The following IGFN1 variants were observed in gnomAD, a reference collection of about 807,000 sequenced individuals.
IGFN1 encodes immunoglobulin like and fibronectin type III domain containing 1.
IGFN1 carries 253 observed loss-of-function variants against 289.5 expected under a neutral mutation model. That is an observed-to-expected ratio of 0.87 (90% CI 0.79 to 0.97). IGFN1 has a LOEUF of 0.97. IGFN1 is among the 50% of genes least tolerant of loss of function. The pLI, the probability that IGFN1 is intolerant of heterozygous loss-of-function variation, is 0.00. For synonymous variants in IGFN1, 1,706 were observed against 1,788.5 expected, an observed-to-expected ratio of 0.95 and a Z score of 1.16; for missense variants, 4,470 against 4,686.1, an observed-to-expected ratio of 0.95 and a Z score of 1.35.
At chr1:201,224,388 A>T (rs1248377002) in intron 20 of IGFN1, among the ~76,000 whole-genome samples, 1 of 152,104 alleles carries the variant, frequency 6.6e-6, no homozygotes, top group Non-Finnish European at 1.5e-5. Flanking sequence ...TAATGTCCAG[A>T]TGTCTGTAGA....
rs1232641218 is a variant in IGFN1, at chr1:201,206,180, G to A, written c.1287G>A (p.Glu429=). The change falls in exon 12 of 24, where the codon GAG becomes GAA. Residue 429 remains glutamate (E), a synonymous_variant. Transcript: ENST00000335211. The part of the protein sequence containing the change: ...ASGAEESGSI[E]SQGEKSREQG... The stretch of plus-strand genomic sequence containing the variant: ...GAGCAGAAGAGTCTGGGAGCATCGA[G>A]AGCCAGGGAGAGAAATCCAGAGAGC... The A allele has an allele frequency of 1.3e-6, 2 of 1,550,334 alleles. No homozygotes were observed. Among genetic ancestry groups the A allele is most frequent in the East Asian group, 4.9e-5 (2 of 40,924 alleles).
chr1:201,199,439 G>C, intron 6 of IGFN1, 61 bp downstream of exon 6: 1 of 1,501,018 alleles, frequency 6.7e-7, no homozygotes, highest in Non-Finnish European at 9.1e-7. Flanking sequence ...CTCCTTTCCT[G>C]GTGTTCCCTG....
chr1:201,200,933 G>A (rs12046251), intron 8 of IGFN1, among the ~76,000 whole-genome samples: 40,919 of 150,540 alleles, frequency 0.27, 6,007 homozygotes, highest in East Asian at 0.41. Context: ...CCAGGTTCAC[G>A]CCATTCTCCT....
At chr1:201,199,210 A>G (rs1667044880) in intron 5 of IGFN1, 124 bp from the exon 6 acceptor site, 1 of 820,694 alleles carries the variant, frequency 1.2e-6, no homozygotes, top group Non-Finnish European at 2.1e-6. Flanking sequence ...TCCACGCCTT[A>G]GAGGACAGTG....
intron 19 of IGFN1, 28 bp downstream of exon 19, chr1:201,221,774 T>G (rs776874715): frequency 5.2e-6 from 8 of 1,548,132 alleles, no homozygotes; most frequent in Non-Finnish European, 7.0e-6. Context: ...CCCCGACCCC[T>G]GAGCCCTGCA....
rs1316951305 is a variant in IGFN1 at position 201,216,733 on chromosome 1, A to C, written c.9575A>C (p.Glu3192Ala). Residue 3192 changes from glutamate to alanine, a missense_variant, in exon 16 of 24, where the codon GAG (glutamate) becomes GCG (alanine). By Grantham distance (107) the Glu-to-Ala change is moderately radical (BLOSUM62 -1). Coordinates refer to ENST00000335211, the MANE Select transcript of IGFN1 (RefSeq NM_001164586.2). ...EGAGEALESE[E>A]ILVAPEALPK... The stretch of plus-strand genomic sequence containing the variant: ...GCTGGCGAGGCCCTGGAGTCTGAGG[A>C]GATATTGGTGGCTCCTGAGGGTGAG... The C allele has an allele frequency of 4.4e-6, 7 of 1,606,272 alleles. No individual in the cohort carries two copies. Among genetic ancestry groups the C allele is most frequent in the Admixed American group, 1.7e-5 (1 of 59,630 alleles).
rs1220629715 is a variant in IGFN1, at chr1:201,206,318, C to A, written c.1425C>A (p.Asp475Glu). 5 of 1,550,286 alleles carry A rather than the reference C, an allele frequency of 3.2e-6. No individual in the cohort carries two copies. The highest frequency in any genetic ancestry group is 2.4e-5 in the East Asian group (1 of 40,918). ...GACATGGCTACTCCTTGATGGGGGA[C>A]AAAGGGACAGCTGACTCAGCCTGGG... is the stretch of plus-strand genomic sequence containing the variant. Reference protein sequence around the residue: ...LGRHGYSLMGDKGTADSAWGP... With the variant: ...LGRHGYSLMGEKGTADSAWGP... The change falls in exon 12 of 24, where the codon GAC becomes GAA. Residue 475 changes from aspartate to glutamate, a missense_variant. Asp to Glu is a conservative substitution (Grantham distance 45). Coordinates refer to ENST00000335211, the MANE Select transcript of IGFN1 (RefSeq NM_001164586.2).
chr1:201,197,903 G>A (rs574406946), intron 5 of IGFN1, among the ~76,000 whole-genome samples: 1 of 152,290 alleles, frequency 6.6e-6, no homozygotes, highest in East Asian at 1.9e-4. Flanking sequence ...AAGAAATAAC[G>A]ATATTTCATT....
At chr1:201,222,624 C>T (rs1462449993) in intron 19 of IGFN1, 115 bp from the exon 20 acceptor site, 4 of 642,372 alleles carry the variant, frequency 6.2e-6, no homozygotes, top group Non-Finnish European at 1.1e-5. Context: ...GTTGGGATCT[C>T]AGCATCAATC....
intron 14 of IGFN1, 56 bp downstream of exon 14, chr1:201,215,210 C>T (rs989031889): frequency 1.9e-6 from 3 of 1,553,884 alleles, no homozygotes; most frequent in Admixed American, 1.9e-5. Context: ...CTCTTTGTAC[C>T]AGGTGATATG....
chr1:201,214,155 G>T, intron 12 of IGFN1, 22 bp from the exon 13 acceptor site: 1 of 1,599,538 alleles, frequency 6.3e-7, no homozygotes, highest in Non-Finnish European at 8.5e-7. Flanking sequence ...CGGCCCTGGG[G>T]ATTCCCTCTG....
intron 2 of IGFN1, among the ~76,000 whole-genome samples, chr1:201,193,506 C>G (rs1666752944): frequency 6.6e-6 from 1 of 152,048 alleles, no homozygotes; most frequent in African/African-American, 2.4e-5. Flanking sequence ...GGCTGGAGTA[C>G]AGTGACGCGA....
In IGFN1 at chr1:201,212,809, T is replaced by C; in HGVS notation, c.7916T>C (p.Ile2639Thr). ...AACCAGGGGTTTAGCCAAGGCAGCA[T>C]AGATGCTGGGAAGCAGCCCGCAGGC... The part of the protein sequence containing the change: ...WENQGFSQGS[I>T]DAGKQPAGSR... The change falls in exon 12 of 24, where the codon ATA becomes ACA. Residue 2639 changes from isoleucine to threonine, a missense_variant. Around this residue, in one of 8 missense-constraint regions of IGFN1, gnomAD observed 2,218 missense variants for 2,114.1 expected, o/e 1.05. Transcript: ENST00000335211. The C allele has an allele frequency of 3.9e-6, 6 of 1,551,424 alleles. No homozygotes were observed. Among genetic ancestry groups the C allele is most frequent in the Non-Finnish European group, 3.5e-6 (4 of 1,146,900 alleles).
At position 201,225,925 on chromosome 1, in the gene IGFN1, C is replaced by T. The variant is rs772111997; in HGVS notation, c.10588C>T (p.Leu3530=). ...TCCTGACGAGGCCCAGGATGTCCCG[C>T]TGCACTACGCGGTGTTCACACGCTC... ...PSPDEAQDVP[L]HYAVFTRSSA... The change falls in exon 22 of 24, where the codon CTG becomes TTG. Residue 3530 remains leucine (L), a synonymous_variant. Coordinates refer to ENST00000335211, the MANE Select transcript of IGFN1 (RefSeq NM_001164586.2). 2 of 1,606,734 alleles carry T rather than the reference C, an allele frequency of 1.2e-6. No individual in the cohort carries two copies. Among genetic ancestry groups the T allele is most frequent in the Non-Finnish European group, 8.5e-7 (1 of 1,176,638 alleles).
chr1:201,205,058 T>A, intron 10 of IGFN1, 24 bp from the exon 11 acceptor site: 1 of 1,524,208 alleles, frequency 6.6e-7, no homozygotes, highest in South Asian at 1.2e-5. Flanking sequence ...CAAGCTGATA[T>A]CCCCATTCCT....
intron 9 of IGFN1, among the ~76,000 whole-genome samples, chr1:201,203,004 C>T (rs1206916298): frequency 6.6e-6 from 1 of 152,100 alleles, no homozygotes; most frequent in Admixed American, 6.5e-5. Flanking sequence ...GATTCACCCG[C>T]CTCAGGCTCC....
At chr1:201,204,443 G>A (rs566775080) in intron 10 of IGFN1, among the ~76,000 whole-genome samples, 1 of 152,220 alleles carries the variant, frequency 6.6e-6, no homozygotes, top group Non-Finnish European at 1.5e-5. Flanking sequence ...AGCTCAAGGG[G>A]GTTCTTGAAA....
In IGFN1 at chr1:201,193,427, C is replaced by CTTATT. The variant is rs796775773; in HGVS notation, c.7+145_7+149dup. ...CCATCTTGTTGTTGTTTTTTTTCTC[C>CTTATT]TTATTTTATTTTATTTTATTTTTAT... On this transcript the variant is annotated intron_variant, in intron 2 of 23. Coordinates refer to ENST00000335211, the MANE Select transcript of IGFN1 (RefSeq NM_001164586.2). 1.2e-3 allele frequency: 813 copies of CTTATT among 667,374 alleles called. 13 individuals are homozygous for CTTATT. The East Asian group carries it at 0.019, about 15-fold the overall frequency. The allele number at this position is 667,374 out of a possible 1,614,324, so 41.3% of individuals were successfully genotyped here. A position where few individuals can be genotyped will look rare whatever the true frequency, so the allele number is the denominator to read the frequency against.
intron 7 of IGFN1, 122 bp from the exon 8 acceptor site, chr1:201,200,115 C>A: frequency 1.3e-6 from 1 of 751,370 alleles, no homozygotes; most frequent in Non-Finnish European, 2.1e-6. Context: ...AGATTCCAGG[C>A]TCTGCGTTTC....
Sources: gnomAD v4.1 joint callset for allele counts (sites outside exome capture counted in the v4.1 genomes callset) on GRCh38, gnomAD v4.1.1 for gene constraint, gnomAD v4.1.1 regional missense constraint, MANE v1.5 for transcripts, NCBI Gene and HGNC (gene_info 2026-07-23, HGNC 2026-07-21) for gene names.